Variants in PDE1C observed in about 807,000 individuals in gnomAD.
The protein encoded by PDE1C is dual specificity calcium/calmodulin-dependent 3',5'-cyclic nucleotide phosphodiesterase 1C.
PDE1C carries 62 observed loss-of-function variants against 93.1 expected under a neutral mutation model. That is an observed-to-expected ratio of 0.67 (90% CI 0.54 to 0.82). PDE1C has a LOEUF of 0.82. Ranked by LOEUF, PDE1C falls within the 40% of genes least tolerant of loss-of-function variation. The pLI, the probability that PDE1C is intolerant of heterozygous loss-of-function variation, is 0.00. For missense variants in PDE1C, 742 were observed against 884.6 expected (o/e 0.84, Z 2.04); for synonymous variants, 325 against 310.1 (o/e 1.05, Z -0.50).
At position 32,419,957 on chromosome 7, in the gene PDE1C, G is replaced by T. The variant is rs1004770168; in HGVS notation, c.310+7865C>A. Among the ~76,000 whole-genome samples the T allele has an allele frequency of 2.0e-5, 3 of 150,000 alleles. No individual in the cohort carries two copies. In the Admixed American group the frequency reaches 2.0e-4, roughly 10 times the overall value. ...ATGGGGTAATAGGCTGGGCATGGTG[G>T]CTCACACCTGTAATCCCAGCAGTTT... On this transcript the variant is annotated intron_variant, in intron 1 of 1. Transcript: ENST00000672256.
intron 2 of PDE1C, among the ~76,000 whole-genome samples, chr7:31,945,007 T>C (rs1205386978): frequency 2.0e-5 from 3 of 152,214 alleles, no homozygotes; most frequent in Non-Finnish European, 4.4e-5. Context: ...AGGGATTTTA[T>C]ATAATCTCAT....
chr7:31,981,145 T>TA, intron 2 of PDE1C, among the ~76,000 whole-genome samples: 1 of 152,322 alleles, frequency 6.6e-6, no homozygotes, highest in South Asian at 2.1e-4. Flanking sequence ...AATATTTAAG[T>TA]TATTCTTGTA....
At chr7:32,005,555 C>CAAAAAA (rs59246166) in intron 2 of PDE1C, among the ~76,000 whole-genome samples, 81 of 50,698 alleles carry the variant, frequency 1.6e-3, no homozygotes, top group African/African-American at 2.7e-3. Flanking sequence ...GACTCCATTT[C>CAAAAAA]AAAAAAAAAA....
intron 3 of PDE1C, among the ~76,000 whole-genome samples, chr7:32,153,146 C>G (rs545674578): frequency 2.0e-5 from 3 of 152,206 alleles, no homozygotes; most frequent in Non-Finnish European, 4.4e-5. Flanking sequence ...AAAGCTTCTA[C>G]AGATCACGTT....
At chr7:31,809,899 C>T (rs1787342039) in intron 15 of PDE1C, among the ~76,000 whole-genome samples, 3 of 152,076 alleles carry the variant, frequency 2.0e-5, no homozygotes, top group African/African-American at 4.8e-5. Context: ...CAGTCATGTT[C>T]TTCAAGAGTA....
chr7:31,765,333 A>T (rs1484765929), intron 17 of PDE1C, among the ~76,000 whole-genome samples: 1 of 152,162 alleles, frequency 6.6e-6, no homozygotes, highest in East Asian at 1.9e-4. Context: ...CTCATTTATA[A>T]TGTGGTTATA....
At position 31,828,353 on chromosome 7, in the gene PDE1C, C is replaced by T; in HGVS notation, c.1224G>A (p.Leu408=). 1 of 1,612,526 alleles carries T rather than the reference C, an allele frequency of 6.2e-7. No individual in the cohort carries two copies. The highest frequency in any genetic ancestry group is 1.7e-5 in the Admixed American group (1 of 59,922). ...FFRQGDREAE[L]GLPFSPLCDR... ...CACACAGAGGAGAAAAAGGCAGCCC[C>T]AGCTCTGCTTCTCTGTCACCCTGGA... The change falls in exon 12 of 18, where the codon CTG becomes CTA. Residue 408 remains leucine, a synonymous_variant. Coordinates refer to ENST00000396191, the MANE Select transcript of PDE1C (RefSeq NM_001191057.4).
chr7:32,009,944 A>C (rs138784560), intron 2 of PDE1C, among the ~76,000 whole-genome samples: 1 of 152,248 alleles, frequency 6.6e-6, no homozygotes, highest in Non-Finnish European at 1.5e-5. Flanking sequence ...CATATAAAAA[A>C]TCTGAAATGC....
chr7:31,779,911 G>A (rs532470739), intron 16 of PDE1C, among the ~76,000 whole-genome samples: 7 of 152,130 alleles, frequency 4.6e-5, no homozygotes, highest in Non-Finnish European at 8.8e-5. Context: ...TCATGTCCAG[G>A]AAGAACATCA....
At chr7:31,737,800 CAAAA>C in the PDE1C span, among the ~76,000 whole-genome samples, 1 of 93,190 alleles carries the variant, frequency 1.1e-5, no homozygotes, top group Non-Finnish European at 2.2e-5. Flanking sequence ...CACTCCATCT[CAAAA>C]AAAAAAAAAA....
intron 2 of PDE1C, among the ~76,000 whole-genome samples, chr7:32,045,078 C>A (rs1214290866): frequency 3.4e-5 from 5 of 146,528 alleles, no homozygotes; most frequent in Admixed American, 1.4e-4. Context: ...TCCCTTCCCC[C>A]CACCGACTCC....
At chr7:31,901,409 T>C (rs1052427332) in intron 2 of PDE1C, among the ~76,000 whole-genome samples, 4 of 151,354 alleles carry the variant, frequency 2.6e-5, no homozygotes, top group African/African-American at 9.7e-5. Context: ...AGTATATATC[T>C]AGGAAAAAAT....
chr7:32,364,091 C>A (rs938031139), intron 1 of PDE1C, among the ~76,000 whole-genome samples: 1 of 152,134 alleles, frequency 6.6e-6, no homozygotes, highest in African/African-American at 2.4e-5. Context: ...ACTGCAGCCA[C>A]CCACTATTAT....
intron 1 of PDE1C, among the ~76,000 whole-genome samples, chr7:32,294,068 C>T (rs557973570): frequency 5.9e-5 from 9 of 152,124 alleles, no homozygotes; most frequent in African/African-American, 1.4e-4. Flanking sequence ...AGCCACCCAC[C>T]GAGCCCTGCC....
Position 32,070,183 on chromosome 7 carries a change from G to A in PDE1C, c.101+110C>T, listed in dbSNP as rs1417762235. The A allele has an allele frequency of 3.2e-6, 5 of 1,548,488 alleles. No individual in the cohort carries two copies. The Admixed American group carries it at 7.6e-5, about 23-fold the overall frequency. ...CAGCAGTTGTGGAACTTCTAGGGTTGTATTTAAAGGCCCATGCAGGAACAG... is the reference window on the plus strand; with the variant it reads ...CAGCAGTTGTGGAACTTCTAGGGTTATATTTAAAGGCCCATGCAGGAACAG... On this transcript the variant is annotated intron_variant, in intron 1 of 17. Transcript: ENST00000396191.
intron 15 of PDE1C, among the ~76,000 whole-genome samples, chr7:31,813,635 T>C (rs1051980654): frequency 6.6e-6 from 1 of 152,196 alleles, no homozygotes; most frequent in African/African-American, 2.4e-5. Flanking sequence ...AAAATTTTTG[T>C]ATGAACATAT....
chr7:32,235,417 C>A (rs1032390915), intron 1 of PDE1C, among the ~76,000 whole-genome samples: 30 of 146,540 alleles, frequency 2.0e-4, no homozygotes, highest in Admixed American at 6.1e-4. Flanking sequence ...AAGGAATCTA[C>A]AAAAAAAAAA....
the PDE1C span, among the ~76,000 whole-genome samples, chr7:31,720,139 C>T: frequency 1.5e-5 from 2 of 129,538 alleles, no homozygotes; most frequent in African/African-American, 2.9e-5. Flanking sequence ...GTCCGCAGTC[C>T]GGCCTGGGCA....
chr7:31,793,542 A>G (rs904110579), intron 16 of PDE1C, among the ~76,000 whole-genome samples: 3 of 152,012 alleles, frequency 2.0e-5, no homozygotes, highest in Non-Finnish European at 4.4e-5. Context: ...CAAAAACAGC[A>G]AAGTGATACA....
Sources: allele counts gnomAD v4.1 joint callset (sites outside exome capture counted in the v4.1 genomes callset), GRCh38; gene constraint gnomAD v4.1.1; transcripts MANE v1.5; gene names NCBI Gene and HGNC (gene_info 2026-07-23, HGNC 2026-07-21).